The following PRCD variants were observed in gnomAD, a reference collection of about 807,000 sequenced individuals.
PRCD encodes photoreceptor disc component.
Under a neutral mutation model 10.1 loss-of-function variants are expected in PRCD, and 12 were observed. The observed-to-expected ratio is 1.18, with a 90% CI of 0.76 to 1.92. The LOEUF (loss-of-function observed/expected upper bound fraction) is 1.92, where lower values mean the gene tolerates loss of function less well. Ranked by LOEUF, PRCD falls within the 40% of genes most tolerant of loss-of-function variation. PRCD has a pLI of 0.00. For missense variants in PRCD, 61 were observed against 72.2 expected, an observed-to-expected ratio of 0.84 and a Z score of 0.56; for synonymous variants, 31 against 26.2, an observed-to-expected ratio of 1.18 and a Z score of -0.56.
At chr17:76,552,130 T>C (rs182982633) in intron 1 of PRCD, 4 of 152,346 alleles carry the variant, frequency 2.6e-5, no homozygotes, top group African/African-American at 9.6e-5. Context: ...TTAGGATGAT[T>C]TGACTGAAAC....
In PRCD at chr17:76,540,251, C is replaced by CG. The variant is rs757827110; in HGVS notation, c.74+48dup. 171 of 892,500 alleles carry CG rather than the reference C, an allele frequency of 1.9e-4. No individual in the cohort carries two copies. In the African/African-American group the frequency reaches 2.8e-3, roughly 15 times the overall value. The allele number at this position is 892,500 out of a possible 1,614,324, so 55.3% of individuals were successfully genotyped here. A position where few individuals can be genotyped will look rare whatever the true frequency, so the allele number is the denominator to read the frequency against. ...GACCGGGCTATGGCTGGCGGTTGGT[C>CG]GGGGGGGGGGGGCATGGGGCTGGGC... On this transcript the variant is annotated intron_variant, in intron 1 of 4. Coordinates refer to ENST00000592014, the MANE Select transcript of PRCD (RefSeq NM_001077620.3). This position sits in a 1 kb window ranked among gnomAD's most constrained non-coding sequence, Gnocchi z 5.0.
At chr17:76,540,042 A>T (rs2074967242), upstream of PRCD, 3 of 1,261,992 alleles carry the variant, frequency 2.4e-6, no homozygotes, top group Non-Finnish European at 2.3e-6. This position sits in a 1 kb window ranked among gnomAD's most constrained non-coding sequence, Gnocchi z 5.0. Flanking sequence ...GAACCGCAGG[A>T]CAGACGGCAG....
chr17:76,552,459 A>G (rs1598222163), intron 1 of PRCD, among the ~76,000 whole-genome samples: 1 of 151,776 alleles, frequency 6.6e-6, no homozygotes, highest in South Asian at 2.1e-4. Context: ...TCGGCCTCCC[A>G]AAGTGCTGGG....
rs772225493 is a variant in PRCD at position 76,531,736 on chromosome 17, C to G, written n.45+3903C>G. The G allele has an allele frequency of 6.6e-7, 1 of 1,518,310 alleles. No individual in the cohort carries two copies. Among genetic ancestry groups the G allele is most frequent in the Non-Finnish European group, 9.0e-7 (1 of 1,113,944 alleles). The allele number at this position is 1,518,310 out of a possible 1,614,324, so 94.1% of individuals were successfully genotyped here. A position where few individuals can be genotyped will look rare whatever the true frequency, so the allele number is the denominator to read the frequency against. Reference sequence around the variant, plus strand: ...TGGTCGCTGAAGCTGGAGGCTGCCTCGGGCCCACCCTGAAGCTTCCAGGAT... The same window carrying G: ...TGGTCGCTGAAGCTGGAGGCTGCCTGGGGCCCACCCTGAAGCTTCCAGGAT... On this transcript the variant is annotated intron_variant and non_coding_transcript_variant, in intron 1 of 4. Coordinates refer to the PRCD transcript ENST00000397633. The surrounding 1 kb of genome is among the most constrained non-coding windows in gnomAD (Gnocchi z 7.4).
At position 76,543,964 on chromosome 17, in the gene PRCD, G is replaced by T. The variant is rs914287041; in HGVS notation, c.*314G>T. On this transcript the variant is annotated 3_prime_UTR_variant, in exon 5 of 5. Coordinates refer to ENST00000592014, the MANE Select transcript of PRCD (RefSeq NM_001077620.3). ...GTGCAAGCGCGTGTGTTCCAAACGG[G>T]CAGTAGCGTGTGGGAAGGAAAAAGC... is the stretch of plus-strand genomic sequence containing the variant. The T allele has an allele frequency of 1.3e-5, 6 of 466,118 alleles. No individual in the cohort carries two copies. The highest frequency in any genetic ancestry group is 1.2e-4 in the African/African-American group (6 of 50,040). 28.9% of individuals were successfully genotyped at this position (466,118 alleles called of 1,614,324 possible).
chr17:76,540,250 T>TGGG lies in PRCD; in HGVS notation c.74+35_74+36insGGG, dbSNP rs774019278. The TGGG allele has an allele frequency of 1.4e-3, 641 of 466,548 alleles. 134 individuals carry two copies. The highest frequency in any genetic ancestry group is 1.9e-3 in the Middle Eastern group (4 of 2,136). 28.9% of individuals were successfully genotyped at this position (466,548 alleles called of 1,614,324 possible). A position where few individuals can be genotyped will look rare whatever the true frequency, so the allele number is the denominator to read the frequency against. ...TGACCGGGCTATGGCTGGCGGTTGG[T>TGGG]CGGGGGGGGGGGGCATGGGGCTGGG... On this transcript the variant is annotated intron_variant, in intron 1 of 4. Transcript: ENST00000592014. The surrounding 1 kb of genome is among the most constrained non-coding windows in gnomAD (Gnocchi z 5.0).
At chr17:76,547,375 GAGGA>G (rs1312381930), downstream of PRCD, 3 of 152,842 alleles carry the variant, frequency 2.0e-5, no homozygotes, top group East Asian at 5.8e-4. Context: ...GGAGCCTGGT[GAGGA>G]AGGTTGTTTT....
intron 2 of PRCD, among the ~76,000 whole-genome samples, chr17:76,541,534 T>C (rs767176504): frequency 2.6e-5 from 4 of 152,132 alleles, no homozygotes; most frequent in Non-Finnish European, 5.9e-5. Context: ...CTGTCTCCTG[T>C]CGTCTGAGTC....
rs1176289876 is a variant in PRCD, at chr17:76,544,588, C to A, written c.*938C>A. On this transcript the variant is annotated 3_prime_UTR_variant, in exon 5 of 5. Coordinates refer to ENST00000592014, the MANE Select transcript of PRCD (RefSeq NM_001077620.3). ...TGCAGAGGCAAAGCCAGAGCGCCAG[C>A]CTGACCCAGGCCGTGAGCCCGTGAT... is the stretch of plus-strand genomic sequence containing the variant. 1 of 456,606 alleles carries A rather than the reference C, an allele frequency of 2.2e-6. No homozygotes were observed. Among genetic ancestry groups the A allele is most frequent in the African/African-American group, 2.0e-5 (1 of 50,084 alleles). 28.3% of individuals were successfully genotyped at this position (456,606 alleles called of 1,614,324 possible).
chr17:76,552,878 A>ATATATATATATATATATATAT (rs2075121502), intron 1 of PRCD: 1 of 124,100 alleles, frequency 8.1e-6, no homozygotes, highest in Admixed American at 7.9e-5. Flanking sequence ...AAAAAAAAAA[A>ATATATATATATATATATATAT]AAAATATATA....
Position 76,528,611 on chromosome 17 carries a change from G to T in PRCD, n.45+778G>T. On this transcript the variant is annotated intron_variant and non_coding_transcript_variant, in intron 1 of 4. Transcript: ENST00000397633. The surrounding 1 kb of genome is among the most constrained non-coding windows in gnomAD (Gnocchi z 5.8). ...CCGAAGAGGGCAGTGTGGCCGGTGG[G>T]CTGTGGACGAGATAGGAAGGGAAGG... The T allele has an allele frequency of 7.8e-7, 1 of 1,277,878 alleles. No individual in the cohort carries two copies. The allele number at this position is 1,277,878 out of a possible 1,614,324, so 79.2% of individuals were successfully genotyped here.
chr17:76,548,360 ATAAAT>A (rs1299879409), downstream of PRCD, among the ~76,000 whole-genome samples: 64 of 152,386 alleles, frequency 4.2e-4, no homozygotes, highest in East Asian at 1.7e-3. Flanking sequence ...AAGCATTAAA[ATAAAT>A]TAATGTGTTC....
chr17:76,540,256 G>GT lies in PRCD; in HGVS notation c.74+41_74+42insT, dbSNP rs759275085. 6.6e-6 allele frequency: 8 copies of GT among 1,209,958 alleles called. No homozygotes were observed. The highest frequency in any genetic ancestry group is 1.3e-5 in the South Asian group (1 of 76,706). 75.0% of individuals were successfully genotyped at this position (1,209,958 alleles called of 1,614,324 possible). On this transcript the variant is annotated intron_variant, in intron 1 of 4. Coordinates refer to ENST00000592014, the MANE Select transcript of PRCD (RefSeq NM_001077620.3). This position sits in a 1 kb window ranked among gnomAD's most constrained non-coding sequence, Gnocchi z 5.0. ...GGCTATGGCTGGCGGTTGGTCGGGG[G>GT]GGGGGGGCATGGGGCTGGGCTGCCA...
rs1271926253 is a variant in PRCD, at chr17:76,530,027, A to T, written n.45+2194A>T. The T allele has an allele frequency of 1.0e-6, 1 of 985,218 alleles. No homozygotes were observed. Among genetic ancestry groups the T allele is most frequent in the Non-Finnish European group, 1.2e-6 (1 of 829,896 alleles). The allele number at this position is 985,218 out of a possible 1,614,324, so 61.0% of individuals were successfully genotyped here. ...ACCTCCTCCAGGAGCTGTGCCTGTG[A>T]ACAGAAGGGCCGGCAGTCTTGGGGG... On this transcript the variant is annotated intron_variant and non_coding_transcript_variant, in intron 1 of 4. Coordinates refer to the PRCD transcript ENST00000397633. This position sits in a 1 kb window ranked among gnomAD's most constrained non-coding sequence, Gnocchi z 6.1.
chr17:76,549,028 A>G (rs756247172), downstream of PRCD, among the ~76,000 whole-genome samples: 2 of 152,252 alleles, frequency 1.3e-5, no homozygotes, highest in Non-Finnish European at 2.9e-5. Context: ...ACACAGATCA[A>G]TGGAATCCAA....
chr17:76,537,263 G>GCCC (rs1433505916), upstream of PRCD: 1 of 1,021,654 alleles, frequency 9.8e-7, no homozygotes, highest in East Asian at 3.4e-5. Context: ...CACGCCGCCT[G>GCCC]CTCCGCCGAC....
Position 76,540,717 on chromosome 17 carries a change from C to A in PRCD, c.143+144C>A. ...TTGCCCTAAGCACCCTGCTCCCTGT[C>A]CGCCTGCTGGGCAGGCTGGATGTCT... On this transcript the variant is annotated intron_variant, in intron 2 of 4. Transcript: ENST00000592014. The surrounding 1 kb of genome is among the most constrained non-coding windows in gnomAD (Gnocchi z 5.0). The A allele has an allele frequency of 1.2e-6, 1 of 803,878 alleles. No individual in the cohort carries two copies. The highest frequency in any genetic ancestry group is 2.1e-6 in the Non-Finnish European group (1 of 477,044). The allele number at this position is 803,878 out of a possible 1,614,324, so 49.8% of individuals were successfully genotyped here.
At position 76,542,621 on chromosome 17, in the gene PRCD, C is replaced by A; in HGVS notation, c.*47C>A. The A allele has an allele frequency of 6.2e-7, 1 of 1,611,328 alleles. No homozygotes were observed. The highest frequency in any genetic ancestry group is 8.5e-7 in the Non-Finnish European group (1 of 1,177,420). On this transcript the variant is annotated 3_prime_UTR_variant, in exon 3 of 5. Coordinates refer to ENST00000592014, the MANE Select transcript of PRCD (RefSeq NM_001077620.3). ...GCTCAGGCCCAGAGACTGGGATCAGCTGGCTCAGGCAGGTAGGGCAGGGCT... is the reference window on the plus strand; with the variant it reads ...GCTCAGGCCCAGAGACTGGGATCAGATGGCTCAGGCAGGTAGGGCAGGGCT...
In PRCD at chr17:76,531,746, C is replaced by G. The variant is rs763142801; in HGVS notation, n.45+3913C>G. 497 of 1,469,092 alleles carry G rather than the reference C, an allele frequency of 3.4e-4. 3 individuals carry two copies. In the Middle Eastern group the frequency reaches 3.9e-3, roughly 12 times the overall value. The allele number at this position is 1,469,092 out of a possible 1,614,324, so 91.0% of individuals were successfully genotyped here. ...AGCTGGAGGCTGCCTCGGGCCCACC[C>G]TGAAGCTTCCAGGATAGTGGGGGCT... On this transcript the variant is annotated intron_variant and non_coding_transcript_variant, in intron 1 of 4. Coordinates refer to the PRCD transcript ENST00000397633. This position sits in a 1 kb window ranked among gnomAD's most constrained non-coding sequence, Gnocchi z 7.4.
Sources: allele counts gnomAD v4.1 joint callset (sites outside exome capture counted in the v4.1 genomes callset), GRCh38; gene constraint gnomAD v4.1.1; non-coding constraint Gnocchi (gnomAD v3.1); transcripts MANE v1.5; gene names NCBI Gene and HGNC (gene_info 2026-07-23, HGNC 2026-07-21).